The following MED12L variants were observed in gnomAD, a reference collection of about 807,000 sequenced individuals.
MED12L encodes the protein mediator of RNA polymerase II transcription subunit 12-like protein.
Under a neutral mutation model 281.3 loss-of-function variants are expected in MED12L, and 60 were observed. That is an observed-to-expected ratio of 0.21 (90% CI 0.17 to 0.26). The LOEUF is 0.26. Ranked by LOEUF, MED12L falls within the 10% of genes least tolerant of loss-of-function variation. MED12L has a pLI of 1.00. For synonymous variants in MED12L, 974 were observed against 987.2 expected (o/e 0.99, Z 0.25); for missense variants, 2,146 against 2,680.9 (o/e 0.80, Z 4.41).
chr3:151,405,506 T>C (rs1048695549), intron 39 of MED12L, among the ~76,000 whole-genome samples: 3 of 152,172 alleles, frequency 2.0e-5, no homozygotes, highest in Admixed American at 2.0e-4. Context: ...ATGCAGTGGC[T>C]CATACCTATA....
intron 20 of MED12L, among the ~76,000 whole-genome samples, chr3:151,358,333 A>G (rs892011326): frequency 6.6e-6 from 1 of 152,128 alleles, no homozygotes; most frequent in Non-Finnish European, 1.5e-5. Context: ...TACTGTATAA[A>G]GTTTGAATTT....
At position 151,411,290 on chromosome 3, in the gene MED12L, G is replaced by A. The variant is rs751454299; in HGVS notation, c.5923G>A (p.Gly1975Ser). The A allele has an allele frequency of 1.2e-6, 2 of 1,614,156 alleles. No individual in the cohort carries two copies. Among genetic ancestry groups the A allele is most frequent in the East Asian group, 2.2e-5 (1 of 44,890 alleles). ...TGCCTACCTGCAGACCATGCCACAGGGCTATACAATGTATGGGACACAGAT... is the reference window on the plus strand; with the variant it reads ...TGCCTACCTGCAGACCATGCCACAGAGCTATACAATGTATGGGACACAGAT... ...GLQQAQTMPQGYTMYGTQMPL... is the reference protein window; with the variant it reads ...GLQQAQTMPQSYTMYGTQMPL... The change falls in exon 41 of 45, where the codon GGC (glycine) becomes AGC (serine). Residue 1975 changes from glycine to serine, a missense_variant. Physicochemically the swap from Gly to Ser is moderately conservative, Grantham distance 56. Coordinates refer to ENST00000687756, the MANE Select transcript of MED12L (RefSeq NM_001393769.1).
At chr3:151,410,202 C>T (rs1015027282) in intron 40 of MED12L, among the ~76,000 whole-genome samples, 1 of 152,204 alleles carries the variant, frequency 6.6e-6, no homozygotes, top group Non-Finnish European at 1.5e-5. Flanking sequence ...AACATAGTGC[C>T]TGATACACAA....
At chr3:151,090,192 C>T (rs372027834) in intron 2 of MED12L, among the ~76,000 whole-genome samples, 13 of 152,178 alleles carry the variant, frequency 8.5e-5, no homozygotes, top group Middle Eastern at 3.4e-3. Flanking sequence ...TGTTTATGTG[C>T]CCCTTATTCT....
chr3:151,328,435 T>C, intron 16 of MED12L: 1 of 1,613,472 alleles, frequency 6.2e-7, no homozygotes. Context: ...TATTTACCAT[T>C]TGATGCCATT....
At chr3:151,312,071 T>A (rs1747619524) in intron 16 of MED12L, among the ~76,000 whole-genome samples, 1 of 152,230 alleles carries the variant, frequency 6.6e-6, no homozygotes, top group Admixed American at 6.5e-5. Context: ...CAATTGATTT[T>A]GCAGTTTTTC....
chr3:151,106,916 A>T (rs551348530), intron 2 of MED12L, among the ~76,000 whole-genome samples: 2 of 152,262 alleles, frequency 1.3e-5, no homozygotes, highest in Admixed American at 1.3e-4. Context: ...TATTTAAAGT[A>T]TGTCTTTATA....
chr3:151,391,731 T>A (rs184039952), intron 38 of MED12L, among the ~76,000 whole-genome samples: 79 of 152,364 alleles, frequency 5.2e-4, no homozygotes, highest in African/African-American at 1.9e-3. Flanking sequence ...GACTTGCTTA[T>A]ATCTTACTTT....
At position 151,181,041 on chromosome 3, in the gene MED12L, T is replaced by TA. The variant is rs927844292; in HGVS notation, c.1495-4279dup. Among the ~76,000 whole-genome samples the TA allele has an allele frequency of 3.3e-4, 49 of 148,770 alleles. No individual in the cohort carries two copies. In the Middle Eastern group the frequency reaches 0.011, roughly 32 times the overall value. Reference sequence around the variant, plus strand: ...TTAAGTGATTTTACTTTTAAAAGATTAAAAAAAAAACACTTCTGTTTTCTC... The same window carrying TA: ...TTAAGTGATTTTACTTTTAAAAGATTAAAAAAAAAAACACTTCTGTTTTCTC... On this transcript the variant is annotated intron_variant, in intron 11 of 44. Coordinates refer to ENST00000687756, the MANE Select transcript of MED12L (RefSeq NM_001393769.1).
intron 5 of MED12L, among the ~76,000 whole-genome samples, chr3:151,147,036 C>T (rs1286648392): frequency 6.6e-6 from 1 of 152,176 alleles, no homozygotes; most frequent in Non-Finnish European, 1.5e-5. Context: ...TTTGGATTTT[C>T]TGTGGCTCAT....
chr3:151,115,029 G>T (rs1292623120), intron 2 of MED12L, among the ~76,000 whole-genome samples: 3 of 152,152 alleles, frequency 2.0e-5, no homozygotes, highest in African/African-American at 7.2e-5. Flanking sequence ...TTTCTCATCT[G>T]TACAACGGGC....
chr3:151,236,695 T>C (rs1009064772), intron 16 of MED12L, among the ~76,000 whole-genome samples: 6 of 152,234 alleles, frequency 3.9e-5, no homozygotes, highest in South Asian at 2.1e-4. Context: ...AATGAAGTTA[T>C]GATTTTAAAA....
At position 151,355,146 on chromosome 3, in the gene MED12L, G is replaced by A. The variant is rs1299152713; in HGVS notation, c.2424G>A (p.Arg808=). Residue 808 remains arginine (R), a synonymous_variant, in exon 18 of 45, where the codon AGG becomes AGA. Transcript: ENST00000687756. ...TTGGGGACGAAGGACAAAAAGCCAG[G>A]AAGAACAAACAGGAGACATTTCCAA... is the stretch of plus-strand genomic sequence containing the variant. ...TGVGDEGQKA[R]KNKQETFPTL... is the part of the protein sequence containing the mutation. The A allele has an allele frequency of 2.5e-6, 4 of 1,613,808 alleles. No individual in the cohort carries two copies. Among genetic ancestry groups the A allele is most frequent in the Non-Finnish European group, 3.4e-6 (4 of 1,179,888 alleles).
In MED12L at chr3:151,365,044, G is replaced by A. The variant is rs1415187136; in HGVS notation, c.3023G>A (p.Arg1008Gln). 7 of 1,613,910 alleles carry A rather than the reference G, an allele frequency of 4.3e-6. No individual in the cohort carries two copies. The highest frequency in any genetic ancestry group is 1.1e-5 in the South Asian group (1 of 91,080). The change falls in exon 22 of 45, where the codon CGA (arginine) becomes CAA (glutamine). Residue 1008 changes from arginine to glutamine, a missense_variant. Around this residue, in one of 9 missense-constraint regions of MED12L, gnomAD observed 404 missense variants for 603.5 expected, o/e 0.67. Coordinates refer to ENST00000687756, the MANE Select transcript of MED12L (RefSeq NM_001393769.1). ...GTGATGCCTGCAAATTCGAACTTGC[G>A]ATGGGATCCAGACTTCATGATGGAT... ...NNVMPANSNLRWDPDFMMDFI... is the reference protein window; with the variant it reads ...NNVMPANSNLQWDPDFMMDFI...
intron 16 of MED12L, among the ~76,000 whole-genome samples, chr3:151,208,745 C>T (rs1031971077): frequency 6.6e-6 from 1 of 151,948 alleles, no homozygotes; most frequent in Non-Finnish European, 1.5e-5. Flanking sequence ...TGATGAGGGC[C>T]ATGTTTTCTT....
At chr3:151,237,336 CTTTTTTTTTTTTTCTTTTT>C (rs1257372080) in intron 16 of MED12L, among the ~76,000 whole-genome samples, 12 of 96,496 alleles carry the variant, frequency 1.2e-4, no homozygotes, top group Admixed American at 5.1e-4. Flanking sequence ...CCACGCCTGG[CTTTTTTTTTTTTTCTTTTT>C]TTTTTTTTTT....
chr3:151,241,346 C>CA, intron 16 of MED12L, among the ~76,000 whole-genome samples: 1 of 152,226 alleles, frequency 6.6e-6, no homozygotes, highest in East Asian at 1.9e-4. Flanking sequence ...TGGCAAAAGG[C>CA]AAGTAAGCCT....
intron 39 of MED12L, among the ~76,000 whole-genome samples, chr3:151,407,268 G>C (rs1192739605): frequency 6.6e-6 from 1 of 152,174 alleles, no homozygotes; most frequent in Non-Finnish European, 1.5e-5. Flanking sequence ...CGAAGAGTTA[G>C]AAAACATCTG....
At chr3:151,206,642 CTTT>C (rs747558778) in intron 16 of MED12L, among the ~76,000 whole-genome samples, 4 of 70,316 alleles carry the variant, frequency 5.7e-5, no homozygotes, top group African/African-American at 1.2e-4. Flanking sequence ...AACACATTAT[CTTT>C]TTTTTTTTTT....
Sources: allele counts gnomAD v4.1 joint callset (sites outside exome capture counted in the v4.1 genomes callset), GRCh38; gene constraint gnomAD v4.1.1; regional missense constraint gnomAD v4.1.1; transcripts MANE v1.5; gene names NCBI Gene and HGNC (gene_info 2026-07-23, HGNC 2026-07-21).